The following SYNPO variants were observed in gnomAD, a reference collection of about 807,000 sequenced individuals.
The protein encoded by SYNPO is synaptopodin.
Under a neutral mutation model 49.5 loss-of-function variants are expected in SYNPO, and 19 were observed. The observed-to-expected ratio is 0.38, with a 90% CI of 0.27 to 0.56. The LOEUF (loss-of-function observed/expected upper bound fraction) is 0.56. Ranked by LOEUF, SYNPO falls within the 20% of genes least tolerant of loss-of-function variation. The pLI, the probability that SYNPO is intolerant of heterozygous loss-of-function variation, is 0.68. For missense variants in SYNPO, 1,131 were observed against 1,248.3 expected, an observed-to-expected ratio of 0.91 and a Z score of 1.42; for synonymous variants, 536 against 548.0, an observed-to-expected ratio of 0.98 and a Z score of 0.31.
At chr5:150,603,601 C>T (rs1756610127) in intron 1 of SYNPO, among the ~76,000 whole-genome samples, 1 of 152,246 alleles carries the variant, frequency 6.6e-6, no homozygotes, top group Non-Finnish European at 1.5e-5. Flanking sequence ...ATGCAGCTCT[C>T]GGGACCATTC....
At chr5:150,643,678 G>C (rs1208307361) in intron 1 of SYNPO, among the ~76,000 whole-genome samples, 1 of 152,148 alleles carries the variant, frequency 6.6e-6, no homozygotes, top group African/African-American at 2.4e-5. Flanking sequence ...GGGATTACAG[G>C]CGCCCGCCAC....
intron 1 of SYNPO, among the ~76,000 whole-genome samples, chr5:150,613,416 G>T (rs574543040): frequency 1.2e-3 from 189 of 152,264 alleles, no homozygotes; most frequent in African/African-American, 4.4e-3. Context: ...CATCCCCAGT[G>T]GTCCTGCCTT....
chr5:150,589,022 T>A, the SYNPO span, among the ~76,000 whole-genome samples: 2 of 152,088 alleles, frequency 1.3e-5, no homozygotes, highest in Non-Finnish European at 2.9e-5. Flanking sequence ...AGTGGTAATG[T>A]ACTATACACA....
chr5:150,614,898 G>A (rs1756943668), intron 1 of SYNPO: 1 of 152,324 alleles, frequency 6.6e-6, no homozygotes, highest in Admixed American at 6.5e-5. Flanking sequence ...AGAGCAGTGA[G>A]TACAAGCACA....
intron 1 of SYNPO, among the ~76,000 whole-genome samples, chr5:150,645,533 T>A (rs1218554946): frequency 6.6e-6 from 1 of 152,212 alleles, no homozygotes; most frequent in Non-Finnish European, 1.5e-5. Flanking sequence ...TGGTTGCCTA[T>A]GGTGATCTTA....
intron 1 of SYNPO, among the ~76,000 whole-genome samples, chr5:150,617,485 A>G: frequency 6.6e-6 from 1 of 152,170 alleles, no homozygotes; most frequent in Non-Finnish European, 1.5e-5. Flanking sequence ...TAGTAGAGAC[A>G]GCGTTTCACC....
intron 1 of SYNPO, among the ~76,000 whole-genome samples, chr5:150,612,139 C>T (rs917448725): frequency 2.6e-5 from 4 of 152,226 alleles, no homozygotes; most frequent in Admixed American, 2.0e-4. Flanking sequence ...AAGCTTTCTT[C>T]CTGTTGTCAG....
Position 150,657,178 on chromosome 5 carries a change from GC to G in SYNPO, c.*95del. 7.3e-7 allele frequency: 1 copy of G among 1,379,102 alleles called. No individual in the cohort carries two copies. The highest frequency in any genetic ancestry group is 9.7e-7 in the Non-Finnish European group (1 of 1,028,932). The allele number at this position is 1,379,102 out of a possible 1,614,324, so 85.4% of individuals were successfully genotyped here. A position where few individuals can be genotyped will look rare whatever the true frequency, so the allele number is the denominator to read the frequency against. ...CCAAAGGGTCTGGCCTCTTTGGGCAGCCCCAGAGATGAGGGGTCAGCAGAGG... is the reference window on the plus strand; with the variant it reads ...CCAAAGGGTCTGGCCTCTTTGGGCAGCCCAGAGATGAGGGGTCAGCAGAGG... On this transcript the variant is annotated 3_prime_UTR_variant, in exon 3 of 3. Transcript: ENST00000307662.
intron 1 of SYNPO, among the ~76,000 whole-genome samples, chr5:150,614,349 C>T (rs893955396): frequency 1.3e-5 from 2 of 152,198 alleles, no homozygotes; most frequent in Non-Finnish European, 2.9e-5. Flanking sequence ...CAGAAGCCAA[C>T]AGTTGGAGCC....
Position 150,650,273 on chromosome 5 carries a change from C to T in SYNPO, c.1998C>T (p.Phe666=), listed in dbSNP as rs1385461567. The change falls in exon 2 of 3, where the codon TTC becomes TTT. Residue 666 remains phenylalanine, a synonymous_variant. Transcript: ENST00000307662. ...PRAKQAPRPS[F]STRNAGIEAQ... is the part of the protein sequence containing the mutation. ...CCAAGCAGGCCCCCAGGCCCTCCTT[C>T]TCTACCCGGAACGCCGGGATCGAGG... 3 of 1,614,022 alleles carry T rather than the reference C, an allele frequency of 1.9e-6. No individual in the cohort carries two copies. The African/African-American group carries it at 4.0e-5, about 22-fold the overall frequency.
At chr5:150,642,543 A>G (rs1210241548) in intron 1 of SYNPO, among the ~76,000 whole-genome samples, 3 of 144,174 alleles carry the variant, frequency 2.1e-5, no homozygotes, top group Admixed American at 2.0e-4. Flanking sequence ...CACCAAGAGC[A>G]TGATCTTGAG....
At chr5:150,643,926 G>A (rs1369536818) in intron 1 of SYNPO, among the ~76,000 whole-genome samples, 1 of 152,088 alleles carries the variant, frequency 6.6e-6, no homozygotes, top group African/African-American at 2.4e-5. Context: ...TGTAATCCCA[G>A]CACTTTGGGA....
chr5:150,600,416 C>T (rs1756500815), upstream of SYNPO, among the ~76,000 whole-genome samples: 1 of 152,262 alleles, frequency 6.6e-6, no homozygotes, highest in African/African-American at 2.4e-5. Context: ...ATCCCCCAGG[C>T]AGGGAAGTGG....
At chr5:150,611,665 G>T (rs186211783) in intron 1 of SYNPO, among the ~76,000 whole-genome samples, 1 of 152,312 alleles carries the variant, frequency 6.6e-6, no homozygotes, top group East Asian at 1.9e-4. Flanking sequence ...CTGGGCGGTT[G>T]GGATGGTTGA....
chr5:150,589,647 G>A, the SYNPO span, among the ~76,000 whole-genome samples: 1 of 152,228 alleles, frequency 6.6e-6, no homozygotes, highest in Admixed American at 6.5e-5. Context: ...CCACATTGTT[G>A]CCTAGAAGGT....
intron 1 of SYNPO, chr5:150,618,061 G>T (rs971206724): frequency 3.8e-6 from 1 of 265,134 alleles, no homozygotes; most frequent in East Asian, 6.8e-5. Flanking sequence ...AACCCCAAGC[G>T]AGCTTTCTCA....
chr5:150,634,372 C>T (rs1757639290), intron 2 of SYNPO, among the ~76,000 whole-genome samples: 2 of 152,202 alleles, frequency 1.3e-5, no homozygotes, highest in Admixed American at 1.3e-4. Flanking sequence ...GGTCCTTTCC[C>T]TCTACTGTTC....
At chr5:150,591,742 AT>A in the SYNPO span, among the ~76,000 whole-genome samples, 1 of 152,220 alleles carries the variant, frequency 6.6e-6, no homozygotes, top group African/African-American at 2.4e-5. Flanking sequence ...AAACAAAACA[AT>A]GTTGTTAAAT....
upstream of SYNPO, among the ~76,000 whole-genome samples, chr5:150,597,731 C>T (rs1383980243): frequency 1.3e-5 from 2 of 152,124 alleles, no homozygotes; most frequent in African/African-American, 2.4e-5. Flanking sequence ...CTGCGCTTCC[C>T]GGGTTCAAGT....
Sources: gnomAD v4.1 joint callset for allele counts (sites outside exome capture counted in the v4.1 genomes callset) on GRCh38, gnomAD v4.1.1 for gene constraint, MANE v1.5 for transcripts, NCBI Gene and HGNC (gene_info 2026-07-23, HGNC 2026-07-21) for gene names.